The following PJA2 variants were observed in gnomAD, a reference collection of about 807,000 sequenced individuals.
PJA2 encodes the protein E3 ubiquitin-protein ligase Praja-2.
In PJA2, 25 loss-of-function variants were observed where a neutral mutation model predicts 69.3. The ratio of observed to expected loss-of-function variants is 0.36; its 90% CI spans 0.26 to 0.50. The LOEUF is 0.50. PJA2 is among the 20% of genes least tolerant of loss of function. PJA2 has a pLI of 0.96. For missense variants in PJA2, 809 were observed against 830.2 expected (o/e 0.97, Z 0.31); for synonymous variants, 308 against 277.8 (o/e 1.11, Z -1.08).
intron 1 of PJA2, among the ~76,000 whole-genome samples, chr5:109,395,597 CA>C (rs1747389025): frequency 6.6e-6 from 1 of 152,056 alleles, no homozygotes. Context: ...AATTTCTATC[CA>C]AATATACAAA....
At chr5:109,402,870 A>AT (rs892744858) in intron 1 of PJA2, among the ~76,000 whole-genome samples, 22 of 152,146 alleles carry the variant, frequency 1.4e-4, no homozygotes, top group African/African-American at 5.3e-4. Flanking sequence ...TGGAAGTGAC[A>AT]TAAGAACTTT....
chr5:109,393,748 T>C (rs936274799), intron 1 of PJA2, among the ~76,000 whole-genome samples: 2 of 151,994 alleles, frequency 1.3e-5, no homozygotes, highest in East Asian at 3.9e-4. Flanking sequence ...CAGAATATAT[T>C]TGTAGGCAGA....
chr5:109,338,711 C>G (rs1421817618), intron 9 of PJA2, among the ~76,000 whole-genome samples: 3 of 151,352 alleles, frequency 2.0e-5, no homozygotes, highest in Non-Finnish European at 2.9e-5. Context: ...GATTGGGCCC[C>G]AACAATAACA....
Position 109,378,452 on chromosome 5 carries a change from T to A in PJA2, c.1035A>T (p.Arg345Ser). ...RHEAKQRSVQ[R>S]WREALEVEES... ...CCTCAACTTCCAAAGCCTCTCTCCA[T>A]CTTTGAACACTTCTTTGTTTCGCCT... is the stretch of plus-strand genomic sequence containing the variant. Residue 345 changes from arginine (R) to serine (S), a missense_variant, in exon 4 of 10, where the codon AGA (arginine) becomes AGT (serine). Physicochemically the swap from Arg to Ser is moderately radical, Grantham distance 110 (BLOSUM62 -1). Around this residue, in one of 4 missense-constraint regions of PJA2, gnomAD observed 700 missense variants for 639.5 expected, o/e 1.09. Transcript: ENST00000361189. The A allele has an allele frequency of 1.9e-6, 3 of 1,614,166 alleles. No individual in the cohort carries two copies. The highest frequency in any genetic ancestry group is 1.7e-5 in the Admixed American group (1 of 60,010).
intron 1 of PJA2, among the ~76,000 whole-genome samples, chr5:109,386,983 A>C (rs1470288112): frequency 6.6e-6 from 1 of 151,840 alleles, no homozygotes; most frequent in Non-Finnish European, 1.5e-5. Flanking sequence ...TAATTTAGAG[A>C]CTCTTGTACA....
chr5:109,367,207 A>T (rs1055423249), intron 5 of PJA2, among the ~76,000 whole-genome samples: 3 of 149,700 alleles, frequency 2.0e-5, no homozygotes, highest in Non-Finnish European at 4.4e-5. Flanking sequence ...TCTCATGAAG[A>T]GGAAAAAAAT....
At chr5:109,392,946 T>C (rs1747316112) in intron 1 of PJA2, among the ~76,000 whole-genome samples, 1 of 10,688 alleles carries the variant, frequency 9.4e-5, no homozygotes, top group Non-Finnish European at 2.4e-4. Context: ...AAAGAAAGAT[T>C]TTTTTAAAGC....
chr5:109,382,881 G>A (rs982423110), intron 2 of PJA2, among the ~76,000 whole-genome samples: 16 of 151,052 alleles, frequency 1.1e-4, no homozygotes, highest in Non-Finnish European at 5.9e-5. Flanking sequence ...ATGAATGAAT[G>A]AAACAGTTAC....
chr5:109,344,577 A>ATCTGGTT (rs1300708813), intron 8 of PJA2, 128 bp downstream of exon 8: 2 of 699,474 alleles, frequency 2.9e-6, no homozygotes, highest in African/African-American at 3.6e-5. Flanking sequence ...GTTTGTGAGC[A>ATCTGGTT]TCTGGTTTCT....
intron 7 of PJA2, among the ~76,000 whole-genome samples, chr5:109,350,513 T>G (rs1762232997): frequency 6.6e-6 from 1 of 152,196 alleles, no homozygotes; most frequent in South Asian, 2.1e-4. Context: ...CACCACTGAA[T>G]CCAGATTTGT....
intron 9 of PJA2, among the ~76,000 whole-genome samples, chr5:109,337,688 A>G (rs912133637): frequency 6.6e-6 from 1 of 152,132 alleles, no homozygotes; most frequent in African/African-American, 2.4e-5. Flanking sequence ...ATCATGGCAC[A>G]TGTCCACATG....
chr5:109,368,351 A>G (rs1277451613), intron 5 of PJA2, among the ~76,000 whole-genome samples: 3 of 152,216 alleles, frequency 2.0e-5, no homozygotes, highest in Non-Finnish European at 4.4e-5. Context: ...GGAGACATAT[A>G]TTGTATCTCC....
intron 9 of PJA2, among the ~76,000 whole-genome samples, chr5:109,342,756 C>G: frequency 7.7e-6 from 1 of 129,310 alleles, no homozygotes; most frequent in Admixed American, 7.1e-5. Context: ...GTGAGGGGCG[C>G]CTCTGCCCGG....
At chr5:109,399,690 A>G (rs1747495524) in intron 1 of PJA2, among the ~76,000 whole-genome samples, 2 of 152,216 alleles carry the variant, frequency 1.3e-5, no homozygotes, top group South Asian at 2.1e-4. Flanking sequence ...TTCTGCATAT[A>G]AAGTCTGCCA....
At chr5:109,391,116 A>T (rs1289872279) in intron 1 of PJA2, among the ~76,000 whole-genome samples, 1 of 152,148 alleles carries the variant, frequency 6.6e-6, no homozygotes, top group African/African-American at 2.4e-5. Flanking sequence ...AAAATCATAA[A>T]CGAAACCAGT....
chr5:109,386,314 C>T (rs1229193506), intron 1 of PJA2, among the ~76,000 whole-genome samples: 4 of 152,118 alleles, frequency 2.6e-5, no homozygotes, highest in Non-Finnish European at 5.9e-5. Flanking sequence ...TGATGAAGGC[C>T]TATCACTGAC....
At chr5:109,372,799 G>A (rs1042524800) in intron 4 of PJA2, among the ~76,000 whole-genome samples, 1 of 151,110 alleles carries the variant, frequency 6.6e-6, no homozygotes, top group Non-Finnish European at 1.5e-5. Context: ...CAGCTACTCA[G>A]GAGGCTGAGG....
intron 1 of PJA2, among the ~76,000 whole-genome samples, chr5:109,398,862 A>G (rs1449644606): frequency 6.6e-6 from 1 of 152,152 alleles, no homozygotes; most frequent in African/African-American, 2.4e-5. Context: ...ATACCAGTAC[A>G]CTGAAGATTT....
intron 1 of PJA2, among the ~76,000 whole-genome samples, chr5:109,403,540 T>C (rs905820036): frequency 1.3e-5 from 2 of 151,714 alleles, no homozygotes; most frequent in African/African-American, 4.8e-5. Context: ...AAAAAGTATC[T>C]TTCATGAACA....
Sources: allele counts gnomAD v4.1 joint callset (sites outside exome capture counted in the v4.1 genomes callset), GRCh38; gene constraint gnomAD v4.1.1; regional missense constraint gnomAD v4.1.1; transcripts MANE v1.5; gene names NCBI Gene and HGNC (gene_info 2026-07-23, HGNC 2026-07-21).